Variants in PHF19 observed in about 807,000 individuals in gnomAD.
PHF19 encodes PHD finger protein 19.
Under a neutral mutation model 79.8 loss-of-function variants are expected in PHF19, and 21 were observed. The observed-to-expected ratio is 0.26, with a 90% CI of 0.19 to 0.38. PHF19 has a LOEUF of 0.38. Ranked by LOEUF, PHF19 falls within the 10% of genes least tolerant of loss-of-function variation. The pLI, the probability that PHF19 is intolerant of heterozygous loss-of-function variation, is 1.00. For synonymous variants in PHF19, 273 were observed against 296.3 expected (o/e 0.92, Z 0.81); for missense variants, 445 against 744.2 (o/e 0.60, Z 4.68).
In PHF19 at chr9:120,870,244, A is replaced by AC. The variant is rs2045855043; in HGVS notation, c.364+198dup. ...TCTAGCTGGGCCCCAAATTACATAC[A>AC]CCATCATACCCTCCCAGCTTTCCCC... On this transcript the variant is annotated intron_variant, in intron 4 of 14. Transcript: ENST00000373896. This position sits in a 1 kb window ranked among gnomAD's most constrained non-coding sequence, Gnocchi z 4.4. Among the ~76,000 whole-genome samples, 1 of 151,756 alleles carries AC rather than the reference A, an allele frequency of 6.6e-6. No individual in the cohort carries two copies. The highest frequency in any genetic ancestry group is 2.1e-4 in the South Asian group (1 of 4,810).
chr9:120,896,451 CTTTTTT>C (rs71370604), upstream of PHF19, among the ~76,000 whole-genome samples: 1 of 82,712 alleles, frequency 1.2e-5, no homozygotes, highest in Admixed American at 1.5e-4. Context: ...TTTTTTTTTT[CTTTTTT>C]TTTTTTTTTT....
In PHF19 at chr9:120,869,817, C is replaced by T. The variant is rs1487682957; in HGVS notation, c.465+28G>A. 1 of 1,612,862 alleles carries T rather than the reference C, an allele frequency of 6.2e-7. No homozygotes were observed. Among genetic ancestry groups the T allele is most frequent in the Admixed American group, 1.7e-5 (1 of 59,880 alleles). ...GCCCCACTGGAGGAGGCAGGAGAGG[C>T]AGGGACTGGGGAGGATGGAAGGCTC... On this transcript the variant is annotated intron_variant, in intron 5 of 14. Coordinates refer to ENST00000373896, the MANE Select transcript of PHF19 (RefSeq NM_015651.3). This position sits in a 1 kb window ranked among gnomAD's most constrained non-coding sequence, Gnocchi z 5.8.
chr9:120,878,293 T>C (rs1588128119), upstream of PHF19, among the ~76,000 whole-genome samples: 4 of 152,278 alleles, frequency 2.6e-5, no homozygotes, highest in East Asian at 7.7e-4. Context: ...ATGGAGTCAG[T>C]GGGCAGAGCT....
chr9:120,896,571 C>T (rs10985080), upstream of PHF19, among the ~76,000 whole-genome samples: 67,358 of 150,790 alleles, frequency 0.45, 17,797 homozygotes, highest in South Asian at 0.69. Flanking sequence ...CCTGCCTCAG[C>T]CTCCCGTGTA....
In PHF19 at chr9:120,860,881, TAACCATGGGG is replaced by T; in HGVS notation, c.1304+198_1304+207del. ...CATCAAACAGCATGGTGAGTGTGGA[TAACCATGGGG>T]CAAGGTGGGGAGGGCTGGAGAAGAG... On this transcript the variant is annotated intron_variant, in intron 13 of 14. Transcript: ENST00000373896. This position sits in a 1 kb window ranked among gnomAD's most constrained non-coding sequence, Gnocchi z 4.1. 1.9e-6 allele frequency: 1 copy of T among 540,260 alleles called. No individual in the cohort carries two copies. Among genetic ancestry groups the T allele is most frequent in the Non-Finnish European group, 3.4e-6 (1 of 296,688 alleles). 33.5% of individuals were successfully genotyped at this position (540,260 alleles called of 1,614,324 possible). A position where few individuals can be genotyped will look rare whatever the true frequency, so the allele number is the denominator to read the frequency against.
chr9:120,876,634 C>T (rs2046066957), intron 1 of PHF19, among the ~76,000 whole-genome samples: 1 of 152,110 alleles, frequency 6.6e-6, no homozygotes, highest in Non-Finnish European at 1.5e-5. Context: ...TGCGCCGGGG[C>T]CTCTCCCAGG....
chr9:120,866,219 C>T lies in PHF19; in HGVS notation c.711-123G>A. On this transcript the variant is annotated intron_variant, in intron 7 of 14. Coordinates refer to ENST00000373896, the MANE Select transcript of PHF19 (RefSeq NM_015651.3). The surrounding 1 kb of genome is among the most constrained non-coding windows in gnomAD (Gnocchi z 5.2). Reference sequence around the variant, plus strand: ...CATAATCTTCTCACTCCTAGGACTGCTGGCCACTGGGGGTCAAGGACAGGG... The same window carrying T: ...CATAATCTTCTCACTCCTAGGACTGTTGGCCACTGGGGGTCAAGGACAGGG... 1 of 748,710 alleles carries T rather than the reference C, an allele frequency of 1.3e-6. No homozygotes were observed. Among genetic ancestry groups the T allele is most frequent in the Non-Finnish European group, 2.4e-6 (1 of 415,552 alleles). The allele number at this position is 748,710 out of a possible 1,614,324, so 46.4% of individuals were successfully genotyped here.
chr9:120,882,135 G>A (rs2131584027), upstream of PHF19, among the ~76,000 whole-genome samples: 1 of 152,324 alleles, frequency 6.6e-6, no homozygotes, highest in South Asian at 2.1e-4. Context: ...TGCAGGGGAT[G>A]AAATGGAGGT....
At chr9:120,858,527 A>C (rs1325405045) in intron 14 of PHF19, among the ~76,000 whole-genome samples, 1 of 152,144 alleles carries the variant, frequency 6.6e-6, no homozygotes, top group Admixed American at 6.5e-5. Flanking sequence ...CGAGGAGGGA[A>C]ACTGAGGGTC....
In PHF19 at chr9:120,870,067, C is replaced by T. The variant is rs961250878; in HGVS notation, c.365-122G>A. The T allele has an allele frequency of 2.2e-5, 31 of 1,416,008 alleles. No homozygotes were observed. Among genetic ancestry groups the T allele is most frequent in the Admixed American group, 1.8e-4 (8 of 44,346 alleles). The allele number at this position is 1,416,008 out of a possible 1,614,324, so 87.7% of individuals were successfully genotyped here. On this transcript the variant is annotated intron_variant, in intron 4 of 14. Transcript: ENST00000373896. The surrounding 1 kb of genome is among the most constrained non-coding windows in gnomAD (Gnocchi z 4.4). The stretch of plus-strand genomic sequence containing the variant: ...CCTAGGAGCTCTGCCTGCCAGCTGC[C>T]GGGAGCCTGGCTGCTGGTGCCCACC...
intron 14 of PHF19, among the ~76,000 whole-genome samples, chr9:120,859,044 G>A (rs1021956193): frequency 6.6e-6 from 1 of 152,054 alleles, no homozygotes; most frequent in Non-Finnish European, 1.5e-5. Flanking sequence ...ACTTGAGCCT[G>A]GCAGGCGGAG....
At chr9:120,873,944 G>T in intron 3 of PHF19, 35 bp downstream of exon 3, 1 of 1,061,066 alleles carries the variant, frequency 9.4e-7, no homozygotes. Flanking sequence ...GACCTGGGGA[G>T]GTTGGGGGCT....
upstream of PHF19, among the ~76,000 whole-genome samples, chr9:120,880,962 A>G (rs1214651508): frequency 6.6e-6 from 1 of 152,170 alleles, no homozygotes; most frequent in East Asian, 1.9e-4. Context: ...TTTCTCAAAA[A>G]CAAACAAACA....
At position 120,862,309 on chromosome 9, in the gene PHF19, C is replaced by A. The variant is rs533598902; in HGVS notation, c.1130+279G>T. On this transcript the variant is annotated intron_variant, in intron 11 of 14. Coordinates refer to ENST00000373896, the MANE Select transcript of PHF19 (RefSeq NM_015651.3). This position sits in a 1 kb window ranked among gnomAD's most constrained non-coding sequence, Gnocchi z 4.6. ...TCAGCTGAGCCAGGAGAGAGAGGGA[C>A]CCCTCACACACCCTGCCTTCCCCTT... 5.3e-5 allele frequency among the ~76,000 whole-genome samples: 8 copies of A among 152,340 alleles called. No homozygotes were observed. Among genetic ancestry groups the A allele is most frequent in the African/African-American group, 1.9e-4 (8 of 41,576 alleles).
At position 120,862,198 on chromosome 9, in the gene PHF19, A is replaced by G. The variant is rs1158957955; in HGVS notation, c.1131-193T>C. Among the ~76,000 whole-genome samples, 1 of 152,084 alleles carries G rather than the reference A, an allele frequency of 6.6e-6. No individual in the cohort carries two copies. The highest frequency in any genetic ancestry group is 1.5e-5 in the Non-Finnish European group (1 of 67,970). Reference sequence around the variant, plus strand: ...GCAGTAGGGGTGGGAAGGTGTGGAGAAGGTATAGTGGGCAGAAAAAGAAAA... The same window carrying G: ...GCAGTAGGGGTGGGAAGGTGTGGAGGAGGTATAGTGGGCAGAAAAAGAAAA... On this transcript the variant is annotated intron_variant, in intron 11 of 14. Transcript: ENST00000373896. The surrounding 1 kb of genome is among the most constrained non-coding windows in gnomAD (Gnocchi z 4.6).
chr9:120,862,524 T>C lies in PHF19; in HGVS notation c.1130+64A>G. ...CTGGCTGGGTGCAGGTCCTCCTTGC[T>C]TGCTTGGAAGCAGAGAAACCGAGTT... On this transcript the variant is annotated intron_variant, in intron 11 of 14. Transcript: ENST00000373896. This position sits in a 1 kb window ranked among gnomAD's most constrained non-coding sequence, Gnocchi z 4.6. 1 of 1,489,664 alleles carries C rather than the reference T, an allele frequency of 6.7e-7. No individual in the cohort carries two copies. Among genetic ancestry groups the C allele is most frequent in the South Asian group, 1.1e-5 (1 of 87,738 alleles). 92.3% of individuals were successfully genotyped at this position (1,489,664 alleles called of 1,614,324 possible). A position where few individuals can be genotyped will look rare whatever the true frequency, so the allele number is the denominator to read the frequency against.
At chr9:120,867,434 C>A (rs992372469) in intron 6 of PHF19, among the ~76,000 whole-genome samples, 15 of 152,342 alleles carry the variant, frequency 9.8e-5, no homozygotes, top group African/African-American at 3.6e-4. Flanking sequence ...TTCTCACCTG[C>A]AACTGTATCT....
intron 9 of PHF19, among the ~76,000 whole-genome samples, chr9:120,864,889 T>A (rs2045652223): frequency 6.6e-6 from 1 of 152,162 alleles, no homozygotes; most frequent in African/African-American, 2.4e-5. Context: ...ATGGATTTTT[T>A]AAAAAGTATA....
intron 1 of PHF19, among the ~76,000 whole-genome samples, chr9:120,892,503 GT>G (rs1459412291): frequency 1.3e-5 from 2 of 152,170 alleles, no homozygotes; most frequent in Non-Finnish European, 2.9e-5. Context: ...GCCTAATAGA[GT>G]TTTGATTTGC....
Sources: gnomAD v4.1 joint callset for allele counts (sites outside exome capture counted in the v4.1 genomes callset) on GRCh38, gnomAD v4.1.1 for gene constraint, Gnocchi (gnomAD v3.1) non-coding constraint, MANE v1.5 for transcripts, NCBI Gene and HGNC (gene_info 2026-07-23, HGNC 2026-07-21) for gene names.